Variants in TPST1 observed in about 807,000 individuals in gnomAD.
The protein encoded by TPST1 is tyrosylprotein sulfotransferase 1.
TPST1 carries 20 observed loss-of-function variants against 34.8 expected under a neutral mutation model. That is an observed-to-expected ratio of 0.57 (90% CI 0.40 to 0.84). The LOEUF (loss-of-function observed/expected upper bound fraction) is 0.84, where lower values mean the gene tolerates loss of function less well. TPST1 is among the 40% of genes least tolerant of loss of function. The pLI, the probability that TPST1 is intolerant of heterozygous loss-of-function variation, is 0.00. For synonymous variants in TPST1, 152 were observed against 159.4 expected (o/e 0.95, Z 0.35); for missense variants, 353 against 455.5 (o/e 0.78, Z 2.05).
intron 3 of TPST1, among the ~76,000 whole-genome samples, chr7:66,320,237 TTC>T (rs1266187827): frequency 6.6e-6 from 1 of 150,672 alleles, no homozygotes; most frequent in Admixed American, 6.6e-5. Flanking sequence ...CTTTCTTTTT[TTC>T]TTTTTCTTTT....
the TPST1 span, among the ~76,000 whole-genome samples, chr7:66,199,539 A>C: frequency 6.6e-6 from 1 of 151,552 alleles, no homozygotes; most frequent in Admixed American, 6.6e-5. Context: ...AAGTGATCTG[A>C]TCGCCTCGCT....
At chr7:66,214,374 A>G (rs1044091148) in intron 1 of TPST1, among the ~76,000 whole-genome samples, 4 of 150,990 alleles carry the variant, frequency 2.6e-5, no homozygotes, top group Non-Finnish European at 5.9e-5. Context: ...AATATTTACT[A>G]ATTTTTTTGT....
intron 2 of TPST1, among the ~76,000 whole-genome samples, chr7:66,285,963 G>A (rs535113390): frequency 6.6e-6 from 1 of 151,980 alleles, no homozygotes; most frequent in Non-Finnish European, 1.5e-5. Flanking sequence ...AATATTTTAC[G>A]TTCTTAGTGG....
intron 1 of TPST1, among the ~76,000 whole-genome samples, chr7:66,239,962 A>G (rs952440007): frequency 6.6e-6 from 1 of 152,044 alleles, no homozygotes; most frequent in Non-Finnish European, 1.5e-5. Flanking sequence ...GCTCACTGCA[A>G]GCTCTGCCTC....
At chr7:66,276,385 T>TATATATATATATCTATATA (rs1431495136) in intron 2 of TPST1, among the ~76,000 whole-genome samples, 1 of 137,748 alleles carries the variant, frequency 7.3e-6, no homozygotes, top group African/African-American at 2.8e-5. Context: ...TATATATGTA[T>TATATATATATATCTATATA]TTTTTTGAGG....
At position 66,328,906 on chromosome 7, in the gene TPST1, A is replaced by ATATATATAT. The variant is rs1299138303; in HGVS notation, c.1045-23598_1045-23597insATATATATT. On this transcript the variant is annotated intron_variant, in intron 3 of 5. Transcript: ENST00000304842. ...TCTCTCTATATATATATATATATAT[A>ATATATATAT]TTTTTTTTTTTTTTTTTTTTTTTGA... Among the ~76,000 whole-genome samples the ATATATATAT allele has an allele frequency of 4.3e-3, 57 of 13,166 alleles. 6 individuals are homozygous for ATATATATAT. The highest frequency in any genetic ancestry group is 5.8e-3 in the Non-Finnish European group (50 of 8,594). The allele number at this position is 13,166 out of a possible 152,430, so 8.6% of individuals were successfully genotyped here.
At chr7:66,246,165 A>G (rs1790143075) in intron 2 of TPST1, among the ~76,000 whole-genome samples, 1 of 143,850 alleles carries the variant, frequency 7.0e-6, no homozygotes, top group East Asian at 2.0e-4. Context: ...GGTGCATGCC[A>G]TCATGCCTGG....
Position 66,267,842 on chromosome 7 carries a change from G to A in TPST1, c.846-18669G>A, listed in dbSNP as rs575884067. On this transcript the variant is annotated intron_variant, in intron 2 of 5. Transcript: ENST00000304842. ...CTTATGGAACATATATTGGGGGAGGGGGTGTGGCAGAAATGCATACACATA... is the reference window on the plus strand; with the variant it reads ...CTTATGGAACATATATTGGGGGAGGAGGTGTGGCAGAAATGCATACACATA... 1.2e-4 allele frequency among the ~76,000 whole-genome samples: 19 copies of A among 152,310 alleles called. No individual in the cohort carries two copies. The South Asian group carries it at 3.7e-3, about 30-fold the overall frequency.
chr7:66,239,419 T>A (rs997975958), intron 1 of TPST1, among the ~76,000 whole-genome samples: 2 of 152,236 alleles, frequency 1.3e-5, no homozygotes, highest in African/African-American at 4.8e-5. Context: ...TACATATCTG[T>A]CTGTCAAAAG....
upstream of TPST1, among the ~76,000 whole-genome samples, chr7:66,200,370 T>C (rs75820091): frequency 7.6e-3 from 1,155 of 152,148 alleles, 17 homozygotes; most frequent in African/African-American, 0.026. Context: ...TGTGAGCCCT[T>C]TGAATTGCCT....
intron 3 of TPST1, among the ~76,000 whole-genome samples, chr7:66,304,734 G>C (rs1449062541): frequency 1.3e-5 from 2 of 152,102 alleles, no homozygotes; most frequent in African/African-American, 2.4e-5. Context: ...ATTTCTGGCT[G>C]ATATGAATGT....
chr7:66,211,348 C>G lies in TPST1; in HGVS notation c.-102+5826C>G, dbSNP rs542293305. Reference sequence around the variant, plus strand: ...GGGGTTTCTCCATATTGAGGCTGGTCTCGAACTCCTGACCTCAGGTGATCT... The same window carrying G: ...GGGGTTTCTCCATATTGAGGCTGGTGTCGAACTCCTGACCTCAGGTGATCT... On this transcript the variant is annotated intron_variant, in intron 1 of 5. Coordinates refer to ENST00000304842, the MANE Select transcript of TPST1 (RefSeq NM_003596.4). 2.5e-3 allele frequency among the ~76,000 whole-genome samples: 377 copies of G among 152,160 alleles called. 1 individual carries two copies. The highest frequency in any genetic ancestry group is 3.5e-3 in the Non-Finnish European group (241 of 68,000).
At chr7:66,316,077 T>C (rs1235696815) in intron 3 of TPST1, among the ~76,000 whole-genome samples, 1 of 147,620 alleles carries the variant, frequency 6.8e-6, no homozygotes, top group Non-Finnish European at 1.5e-5. Flanking sequence ...GCCATTGCAC[T>C]CCAGCCTGGG....
chr7:66,248,681 G>T (rs556610996), intron 2 of TPST1, among the ~76,000 whole-genome samples: 92 of 150,998 alleles, frequency 6.1e-4, no homozygotes, highest in African/African-American at 9.5e-4. Flanking sequence ...TTTTTTTTTT[G>T]TGTGTGTGTT....
chr7:66,318,518 G>T (rs1329859513), intron 3 of TPST1, among the ~76,000 whole-genome samples: 1 of 151,238 alleles, frequency 6.6e-6, no homozygotes, highest in Non-Finnish European at 1.5e-5. Flanking sequence ...TCAGGCTGGA[G>T]TGCAGTGGCA....
In TPST1 at chr7:66,258,704, C is replaced by G. The variant is rs531035357; in HGVS notation, c.845+17434C>G. On this transcript the variant is annotated intron_variant, in intron 2 of 5. Coordinates refer to ENST00000304842, the MANE Select transcript of TPST1 (RefSeq NM_003596.4). The stretch of plus-strand genomic sequence containing the variant: ...ATGCGTTTCTGTATGGCTGGTGCCA[C>G]CCTTAGGGTGAAGAGCTCAGAAAAA... Among the ~76,000 whole-genome samples the G allele has an allele frequency of 2.0e-5, 3 of 152,244 alleles. No homozygotes were observed. The East Asian group carries it at 5.8e-4, about 29-fold the overall frequency.
At chr7:66,226,580 C>T (rs541522779) in intron 1 of TPST1, among the ~76,000 whole-genome samples, 1 of 152,172 alleles carries the variant, frequency 6.6e-6, no homozygotes, top group South Asian at 2.1e-4. Context: ...TTTTGGTATC[C>T]CTTACAAGGC....
At chr7:66,329,098 A>G (rs902260987) in intron 3 of TPST1, among the ~76,000 whole-genome samples, 9 of 150,394 alleles carry the variant, frequency 6.0e-5, no homozygotes, top group Non-Finnish European at 5.9e-5. Flanking sequence ...TTTTTTGTAG[A>G]GACGAGGCTT....
rs1790022662 is a variant in TPST1 at position 66,241,023 on chromosome 7, A to G, written c.598A>G (p.Ile200Val). The G allele has an allele frequency of 2.5e-6, 4 of 1,614,226 alleles. No individual in the cohort carries two copies. The South Asian group carries it at 3.3e-5, about 13-fold the overall frequency. ...VHSMISRKVT[I>V]AGFDLNSYRD... ...TTCAATGATTTCTCGAAAAGTTACTATAGCTGGATTTGATCTGAACAGCTA... is the reference window on the plus strand; with the variant it reads ...TTCAATGATTTCTCGAAAAGTTACTGTAGCTGGATTTGATCTGAACAGCTA... Residue 200 changes from isoleucine (I) to valine (V), a missense_variant, in exon 2 of 6, where the codon ATA becomes GTA. Transcript: ENST00000304842.
Sources: gnomAD v4.1 joint callset for allele counts (sites outside exome capture counted in the v4.1 genomes callset) on GRCh38, gnomAD v4.1.1 for gene constraint, MANE v1.5 for transcripts, NCBI Gene and HGNC (gene_info 2026-07-23, HGNC 2026-07-21) for gene names.